OR1J2: variants seen among roughly 807,000 people sequenced by gnomAD.
OR1J2 encodes the protein olfactory receptor family 1 subfamily J member 2.
For synonymous variants in OR1J2, 142 were observed against 99.7 expected, an observed-to-expected ratio of 1.42 and a Z score of -2.52; for missense variants, 304 against 246.1, an observed-to-expected ratio of 1.24 and a Z score of -1.57.
the OR1J2 span, among the ~76,000 whole-genome samples, chr9:122,538,636 T>A: frequency 1.3e-5 from 2 of 152,230 alleles, no homozygotes. Flanking sequence ...TTTTCTTGCC[T>A]GATTGCTCTG....
At chr9:122,544,720 A>G in the OR1J2 span, among the ~76,000 whole-genome samples, 1 of 151,846 alleles carries the variant, frequency 6.6e-6, no homozygotes, top group Non-Finnish European at 1.5e-5. Flanking sequence ...TGCCTGTGAA[A>G]CCTGTATGGA....
At chr9:122,542,852 A>G in the OR1J2 span, among the ~76,000 whole-genome samples, 10 of 152,304 alleles carry the variant, frequency 6.6e-5, no homozygotes, top group South Asian at 1.9e-3. Flanking sequence ...CCCAGAGTCA[A>G]ATTAATAGAA....
At chr9:122,526,958 G>A in the OR1J2 span, 1 of 1,614,236 alleles carries the variant, frequency 6.2e-7, no homozygotes, top group East Asian at 2.2e-5. Context: ...TGGCAGCCAG[G>A]AAGAAGCTGT....
the OR1J2 span, among the ~76,000 whole-genome samples, chr9:122,490,437 G>A: frequency 3.9e-5 from 6 of 152,022 alleles, no homozygotes; most frequent in South Asian, 4.1e-4. Context: ...TGCCATTTAC[G>A]TGGGATAAAG....
At chr9:122,498,876 G>A in the OR1J2 span, among the ~76,000 whole-genome samples, 1 of 152,150 alleles carries the variant, frequency 6.6e-6, no homozygotes, top group South Asian at 2.1e-4. Context: ...TAACTGTAGA[G>A]AATACTGGGG....
At chr9:122,566,037 G>T in the OR1J2 span, among the ~76,000 whole-genome samples, 9 of 152,132 alleles carry the variant, frequency 5.9e-5, no homozygotes, top group Admixed American at 3.9e-4. Flanking sequence ...CATTACAAAG[G>T]AACACAAATT....
chr9:122,568,086 A>C, the OR1J2 span: 1 of 1,614,090 alleles, frequency 6.2e-7, no homozygotes, highest in Non-Finnish European at 8.5e-7. Context: ...GACATAGTGG[A>C]AAGGGTCACA....
the OR1J2 span, among the ~76,000 whole-genome samples, chr9:122,556,836 T>C: frequency 2.0e-5 from 3 of 152,182 alleles, no homozygotes; most frequent in Admixed American, 6.5e-5. Context: ...ATTAATCAAG[T>C]TGGGAAGAAT....
At chr9:122,512,646 T>C (rs1014788959), downstream of OR1J2, among the ~76,000 whole-genome samples, 3 of 152,336 alleles carry the variant, frequency 2.0e-5, no homozygotes, top group Non-Finnish European at 1.5e-5. Flanking sequence ...CCCCAGTCTC[T>C]AAATTATCTC....
At chr9:122,568,705 G>A in the OR1J2 span, 133,807 of 426,024 alleles carry the variant, frequency 0.31, 25,630 homozygotes, top group East Asian at 0.83. Context: ...GGGACAGAGG[G>A]AGAGTTTTCC....
the OR1J2 span, among the ~76,000 whole-genome samples, chr9:122,470,376 G>T: frequency 6.6e-6 from 1 of 152,216 alleles, no homozygotes; most frequent in African/African-American, 2.4e-5. Flanking sequence ...TGAGCCTGTG[G>T]GTGCACAGAA....
the OR1J2 span, among the ~76,000 whole-genome samples, chr9:122,498,545 A>AT: frequency 2.0e-5 from 3 of 152,098 alleles, no homozygotes; most frequent in Non-Finnish European, 4.4e-5. Flanking sequence ...GCTTTAGAAG[A>AT]TTTTTTGTGT....
chr9:122,466,091 CA>C, the OR1J2 span, among the ~76,000 whole-genome samples: 2 of 152,120 alleles, frequency 1.3e-5, no homozygotes, highest in African/African-American at 4.8e-5. Context: ...CCAGTTGGTT[CA>C]TATACTTTTT....
chr9:122,538,560 A>T, the OR1J2 span, among the ~76,000 whole-genome samples: 7,357 of 152,200 alleles, frequency 0.048, 572 homozygotes, highest in African/African-American at 0.17. Flanking sequence ...TAGGTGTAAG[A>T]TCATGTCATC....
chr9:122,465,156 A>G, the OR1J2 span, among the ~76,000 whole-genome samples: 1 of 152,214 alleles, frequency 6.6e-6, no homozygotes, highest in Non-Finnish European at 1.5e-5. Flanking sequence ...AAACTAGTGC[A>G]CAAACAGCCA....
chr9:122,460,449 T>C, the OR1J2 span, among the ~76,000 whole-genome samples: 3 of 152,160 alleles, frequency 2.0e-5, no homozygotes, highest in Non-Finnish European at 2.9e-5. Context: ...TTCTGGGTTC[T>C]CTATTGTTTC....
At chr9:122,530,611 G>T in the OR1J2 span, among the ~76,000 whole-genome samples, 5 of 152,292 alleles carry the variant, frequency 3.3e-5, no homozygotes, top group South Asian at 1.0e-3. Context: ...TATTTTTCAT[G>T]CACGTCTGTG....
At chr9:122,501,359 T>G in the OR1J2 span, among the ~76,000 whole-genome samples, 2 of 152,142 alleles carry the variant, frequency 1.3e-5, no homozygotes, top group African/African-American at 4.8e-5. Context: ...TTGGTCTTTG[T>G]GCTGATTGCT....
the OR1J2 span, chr9:122,478,010 G>T: frequency 1.1e-6 from 1 of 900,744 alleles, no homozygotes; most frequent in Non-Finnish European, 1.7e-6. Context: ...CTGTGGCATA[G>T]TATAATAGAG....
Sources: gnomAD v4.1 joint callset for allele counts (sites outside exome capture counted in the v4.1 genomes callset) on GRCh38, gnomAD v4.1.1 for gene constraint, MANE v1.5 for transcripts, NCBI Gene and HGNC (gene_info 2026-07-23, HGNC 2026-07-21) for gene names.